Variants in AGBL1 observed in about 807,000 individuals in gnomAD.
AGBL1 encodes the protein cytosolic carboxypeptidase 4.
A neutral mutation model predicts 118.9 loss-of-function variants in AGBL1; 130 were observed. The ratio of observed to expected loss-of-function variants is 1.09; its 90% CI spans 0.95 to 1.26. The LOEUF (loss-of-function observed/expected upper bound fraction) is 1.26. Ranked by LOEUF, AGBL1 falls within the 50% of genes most tolerant of loss-of-function variation. AGBL1 has a pLI of 0.00. For missense variants in AGBL1, 1,584 were observed against 1,298.1 expected, an observed-to-expected ratio of 1.22 and a Z score of -3.38; for synonymous variants, 555 against 478.9, an observed-to-expected ratio of 1.16 and a Z score of -2.08.
Position 86,929,773 on chromosome 15 carries a change from C to T in AGBL1, c.3222-58214C>T, listed in dbSNP as rs370759373. ...ATAACTGAAAAACTTCCAGTAATAG[C>T]TTTCTTTATGATCATTGACATTCAT... On this transcript the variant is annotated intron_variant, in intron 23 of 24. Coordinates refer to the AGBL1 transcript ENST00000441037. 2.6e-5 allele frequency among the ~76,000 whole-genome samples: 4 copies of T among 152,178 alleles called. No homozygotes were observed. In the East Asian group the frequency reaches 7.7e-4, roughly 29 times the overall value.
At chr15:86,447,614 G>A (rs1419451158) in intron 18 of AGBL1, among the ~76,000 whole-genome samples, 1 of 152,134 alleles carries the variant, frequency 6.6e-6, no homozygotes, top group East Asian at 1.9e-4. Flanking sequence ...GATACAAATA[G>A]CCACACTGAG....
At chr15:86,391,856 T>G (rs1413579334) in intron 17 of AGBL1, among the ~76,000 whole-genome samples, 1 of 152,088 alleles carries the variant, frequency 6.6e-6, no homozygotes, top group South Asian at 2.1e-4. Flanking sequence ...CTCAGACGTT[T>G]GCAAATACGT....
At chr15:86,236,224 C>T (rs904787660) in intron 6 of AGBL1, among the ~76,000 whole-genome samples, 1 of 152,152 alleles carries the variant, frequency 6.6e-6, no homozygotes, top group Non-Finnish European at 1.5e-5. Flanking sequence ...TTTTCTTAGC[C>T]CCTTCCACCA....
chr15:86,398,208 C>G (rs924996210), intron 18 of AGBL1, among the ~76,000 whole-genome samples: 1 of 152,120 alleles, frequency 6.6e-6, no homozygotes, highest in Non-Finnish European at 1.5e-5. Flanking sequence ...AAAGATGGCT[C>G]CTGTGCCTGG....
chr15:86,243,652 T>A (rs2078672193), intron 6 of AGBL1, among the ~76,000 whole-genome samples: 1 of 151,898 alleles, frequency 6.6e-6, no homozygotes, highest in African/African-American at 2.4e-5. Context: ...GGGTGAGGTG[T>A]TAATACGAAA....
At chr15:86,969,184 G>A (rs72755688) in intron 23 of AGBL1, among the ~76,000 whole-genome samples, 6,338 of 152,008 alleles carry the variant, frequency 0.042, 164 homozygotes, top group Middle Eastern at 0.071. Flanking sequence ...ATCTAAATCA[G>A]GTGTGGGTGA....
intron 24 of AGBL1, among the ~76,000 whole-genome samples, chr15:87,012,839 T>A (rs1013974297): frequency 6.6e-6 from 1 of 152,078 alleles, no homozygotes; most frequent in Non-Finnish European, 1.5e-5. Flanking sequence ...TATCCTTACC[T>A]AGAGGGAGAT....
intron 24 of AGBL1, chr15:87,028,813 A>T (rs768457045): frequency 2.5e-6 from 4 of 1,604,296 alleles, no homozygotes; most frequent in Non-Finnish European, 3.4e-6. Context: ...TATATTTCTT[A>T]TTCCTTCTCA....
At chr15:86,739,221 A>T (rs182751649) in intron 22 of AGBL1, among the ~76,000 whole-genome samples, 62 of 152,230 alleles carry the variant, frequency 4.1e-4, no homozygotes, top group African/African-American at 1.4e-3. Flanking sequence ...AGGCAGGCAG[A>T]TCACCTGGGG....
chr15:86,548,663 G>GCACACACA lies in AGBL1; in HGVS notation c.2817+2557_2817+2564dup, dbSNP rs61362688. Among the ~76,000 whole-genome samples the GCACACACA allele has an allele frequency of 3.4e-3, 487 of 142,782 alleles. 5 individuals are homozygous for GCACACACA. In the East Asian group the frequency reaches 0.049, roughly 14 times the overall value. The allele number at this position is 142,782 out of a possible 152,430, so 93.7% of individuals were successfully genotyped here. A position where few individuals can be genotyped will look rare whatever the true frequency, so the allele number is the denominator to read the frequency against. On this transcript the variant is annotated intron_variant, in intron 20 of 22. Transcript: ENST00000614907. ...GATAGCCACACACACACACATGCAC[G>GCACACACA]CACACACACACACACACACACACAC...
At chr15:86,792,720 T>C (rs557014687) in intron 22 of AGBL1, among the ~76,000 whole-genome samples, 100 of 152,226 alleles carry the variant, frequency 6.6e-4, no homozygotes, top group African/African-American at 2.4e-3. Context: ...GATGGGAGGA[T>C]TGCTTGATCC....
rs1313148322 is a variant in AGBL1 at position 86,911,485 on chromosome 15, C to G, written c.*4191C>G. On this transcript the variant is annotated 3_prime_UTR_variant, in exon 23 of 23. Transcript: ENST00000614907. ...GGAAGTCTAAATGTCTCAACAGATC[C>G]CTTTATAGCCTGGCCCCAATCTCCT... 6.6e-6 allele frequency: 1 copy of G among 152,162 alleles called. No individual in the cohort carries two copies. 9.4% of individuals were successfully genotyped at this position (152,162 alleles called of 1,614,324 possible).
chr15:86,721,873 G>C (rs2086727219), intron 22 of AGBL1, among the ~76,000 whole-genome samples: 1 of 152,158 alleles, frequency 6.6e-6, no homozygotes. Flanking sequence ...CAGATCAACA[G>C]AGAGCCAAAT....
chr15:86,262,915 C>A (rs1353983037), intron 10 of AGBL1, 21 bp downstream of exon 10: 1 of 1,555,096 alleles, frequency 6.4e-7, no homozygotes, highest in Non-Finnish European at 8.8e-7. Context: ...TGCTGTGGTT[C>A]TGATCTTTGA....
rs181045266 is a variant in AGBL1 at position 86,596,908 on chromosome 15, T to C, written c.2994+42371T>C. ...TTTATTGCCTGTACTCCTATTAACA[T>C]TTAGTCTTCAAGAGCAGGGATATTT... is the stretch of plus-strand genomic sequence containing the variant. On this transcript the variant is annotated intron_variant, in intron 21 of 22. Transcript: ENST00000614907. Among the ~76,000 whole-genome samples, 828 of 152,316 alleles carry C rather than the reference T, an allele frequency of 5.4e-3. 13 individuals carry two copies. Among genetic ancestry groups the C allele is most frequent in the South Asian group, 0.023 (110 of 4,828 alleles).
intron 18 of AGBL1, among the ~76,000 whole-genome samples, chr15:86,426,742 T>C (rs2081871766): frequency 6.6e-6 from 1 of 152,216 alleles, no homozygotes; most frequent in Non-Finnish European, 1.5e-5. Context: ...ACTATTTATT[T>C]TGTCCACTAT....
chr15:86,344,692 C>G (rs7174821), intron 17 of AGBL1, among the ~76,000 whole-genome samples: 2 of 151,744 alleles, frequency 1.3e-5, no homozygotes, highest in Admixed American at 6.6e-5. Flanking sequence ...AGTAATAACA[C>G]CTCCATATGT....
At chr15:86,205,780 T>A (rs1374030719) in intron 5 of AGBL1, among the ~76,000 whole-genome samples, 1 of 152,218 alleles carries the variant, frequency 6.6e-6, no homozygotes, top group Non-Finnish European at 1.5e-5. Flanking sequence ...GGTTTTTAGC[T>A]TATTTTAAAA....
chr15:86,576,979 T>G lies in AGBL1; in HGVS notation c.2994+22442T>G, dbSNP rs547380408. 2.6e-5 allele frequency among the ~76,000 whole-genome samples: 4 copies of G among 152,292 alleles called. No individual in the cohort carries two copies. In the East Asian group the frequency reaches 7.7e-4, roughly 29 times the overall value. On this transcript the variant is annotated intron_variant, in intron 21 of 22. Transcript: ENST00000614907. The stretch of plus-strand genomic sequence containing the variant: ...ATATGTCTTAATCAGCAGCATGAAA[T>G]TGTACAGTAGATTGGTACCAGGAAT...
Sources: allele counts gnomAD v4.1 joint callset (sites outside exome capture counted in the v4.1 genomes callset), GRCh38; gene constraint gnomAD v4.1.1; transcripts MANE v1.5; gene names NCBI Gene and HGNC (gene_info 2026-07-23, HGNC 2026-07-21).